NR3C2: variants seen among roughly 807,000 people sequenced by gnomAD.
The protein encoded by NR3C2 is nuclear receptor subfamily 3 group C member 2, also known as mineralocorticoid receptor.
Under a neutral mutation model 86.4 loss-of-function variants are expected in NR3C2, and 15 were observed. That is an observed-to-expected ratio of 0.17 (90% CI 0.12 to 0.27). The LOEUF is 0.27. NR3C2 is among the 10% of genes least tolerant of loss of function. The pLI is 1.00. For missense variants in NR3C2, 960 were observed against 1,195.6 expected, an observed-to-expected ratio of 0.80 and a Z score of 2.91; for synonymous variants, 458 against 450.5, an observed-to-expected ratio of 1.02 and a Z score of -0.21.
chr4:148,199,104 T>C (rs1373116235), intron 3 of NR3C2, among the ~76,000 whole-genome samples: 1 of 131,452 alleles, frequency 7.6e-6, no homozygotes, highest in Non-Finnish European at 1.6e-5. Context: ...AAAAAAAAAG[T>C]AGGATGAGAA....
chr4:148,326,159 G>A (rs914043105), intron 2 of NR3C2, among the ~76,000 whole-genome samples: 1 of 151,918 alleles, frequency 6.6e-6, no homozygotes, highest in African/African-American at 2.4e-5. Context: ...GGGAGGCTGA[G>A]GCGGGAGGAT....
At chr4:148,227,075 A>G (rs1738210418) in intron 3 of NR3C2, among the ~76,000 whole-genome samples, 1 of 152,192 alleles carries the variant, frequency 6.6e-6, no homozygotes, top group Admixed American at 6.5e-5. Context: ...CTGAATTATA[A>G]TTCAATACTC....
chr4:148,381,555 G>A (rs1746991623), intron 2 of NR3C2, among the ~76,000 whole-genome samples: 1 of 152,060 alleles, frequency 6.6e-6, no homozygotes, highest in Non-Finnish European at 1.5e-5. Context: ...ATATATTTCT[G>A]TCCACACCCA....
chr4:148,243,145 C>A (rs1310463310), intron 3 of NR3C2, among the ~76,000 whole-genome samples: 1 of 151,924 alleles, frequency 6.6e-6, no homozygotes, highest in Non-Finnish European at 1.5e-5. Context: ...ATCCTCCTGC[C>A]TCAGCTTCCT....
chr4:148,445,239 G>A (rs1750521373), upstream of NR3C2, among the ~76,000 whole-genome samples: 1 of 151,958 alleles, frequency 6.6e-6, no homozygotes, highest in South Asian at 2.1e-4. Flanking sequence ...CCTGCGGGGG[G>A]AGGCGAGGGC....
At chr4:148,148,725 C>A (rs1320177668) in intron 6 of NR3C2, among the ~76,000 whole-genome samples, 2 of 152,196 alleles carry the variant, frequency 1.3e-5, no homozygotes, top group African/African-American at 4.8e-5. Context: ...ACTAGATCAA[C>A]CTCTCCCATT....
At chr4:148,339,227 T>A (rs1744636039) in intron 2 of NR3C2, among the ~76,000 whole-genome samples, 1 of 152,120 alleles carries the variant, frequency 6.6e-6, no homozygotes, top group Non-Finnish European at 1.5e-5. Flanking sequence ...ACCATGGACT[T>A]TAGCTTCCCA....
At chr4:148,264,996 G>A (rs565040897) in intron 2 of NR3C2, among the ~76,000 whole-genome samples, 11 of 152,206 alleles carry the variant, frequency 7.2e-5, no homozygotes, top group African/African-American at 2.6e-4. Flanking sequence ...TAATATTGAA[G>A]AGTTAGAAAA....
intron 6 of NR3C2, among the ~76,000 whole-genome samples, chr4:148,137,314 T>G (rs1157773187): frequency 6.6e-6 from 1 of 152,124 alleles, no homozygotes; most frequent in African/African-American, 2.4e-5. Flanking sequence ...GGCCCATCTC[T>G]CAGTGTGATG....
chr4:148,223,263 G>A (rs148386879), intron 3 of NR3C2, among the ~76,000 whole-genome samples: 24 of 152,146 alleles, frequency 1.6e-4, no homozygotes, highest in African/African-American at 5.8e-4. Context: ...AGCCTCAAAT[G>A]CATCCCTACT....
chr4:148,303,426 G>A (rs1742442653), intron 2 of NR3C2, among the ~76,000 whole-genome samples: 1 of 152,024 alleles, frequency 6.6e-6, no homozygotes, highest in African/African-American at 2.4e-5. Context: ...TTTCCTTTTT[G>A]GGAAAGTAAG....
intron 2 of NR3C2, among the ~76,000 whole-genome samples, chr4:148,267,948 T>C (rs1010092186): frequency 2.0e-5 from 3 of 150,578 alleles, no homozygotes; most frequent in Non-Finnish European, 4.4e-5. Flanking sequence ...TGTTTTTTTT[T>C]TTTTTTTTTG....
chr4:148,081,716 C>A (rs1241339288), intron 8 of NR3C2, among the ~76,000 whole-genome samples: 2 of 152,212 alleles, frequency 1.3e-5, no homozygotes, highest in Non-Finnish European at 1.5e-5. Flanking sequence ...CAAACAAATT[C>A]AGCTGAGAGC....
At chr4:148,090,771 G>A (rs1397947992) in intron 8 of NR3C2, among the ~76,000 whole-genome samples, 1 of 152,180 alleles carries the variant, frequency 6.6e-6, no homozygotes, top group African/African-American at 2.4e-5. Flanking sequence ...ATATTAACCT[G>A]GGGTTGGCAT....
chr4:148,384,978 G>A (rs1047612940), intron 2 of NR3C2, among the ~76,000 whole-genome samples: 2 of 152,170 alleles, frequency 1.3e-5, no homozygotes, highest in Admixed American at 1.3e-4. Context: ...AGAGTAGAAA[G>A]TATGTCCTAG....
chr4:148,426,237 C>G (rs564262012), intron 2 of NR3C2, among the ~76,000 whole-genome samples: 34 of 152,304 alleles, frequency 2.2e-4, no homozygotes, highest in Middle Eastern at 6.8e-3. Flanking sequence ...TTCATTTACT[C>G]CTTAGCCAAT....
intron 3 of NR3C2, among the ~76,000 whole-genome samples, chr4:148,237,099 A>G (rs1738784279): frequency 6.6e-6 from 1 of 152,232 alleles, no homozygotes; most frequent in African/African-American, 2.4e-5. Context: ...ATGAACTTTA[A>G]TGAATACTGA....
At chr4:148,274,986 C>T (rs1740891119) in intron 2 of NR3C2, among the ~76,000 whole-genome samples, 1 of 152,148 alleles carries the variant, frequency 6.6e-6, no homozygotes. Context: ...GCATGAGCCA[C>T]CGCACCTGGC....
At chr4:148,083,098 C>G (rs934102864) in intron 8 of NR3C2, among the ~76,000 whole-genome samples, 2 of 152,158 alleles carry the variant, frequency 1.3e-5, no homozygotes, top group African/African-American at 4.8e-5. Flanking sequence ...TAGATAAAAC[C>G]CCATCTCCCT....
Sources: gnomAD v4.1 joint callset for allele counts (sites outside exome capture counted in the v4.1 genomes callset) on GRCh38, gnomAD v4.1.1 for gene constraint, MANE v1.5 for transcripts, NCBI Gene and HGNC (gene_info 2026-07-23, HGNC 2026-07-21) for gene names.